Variants in SDS observed in about 807,000 individuals in gnomAD.
SDS encodes the protein L-serine dehydratase/L-threonine deaminase.
In SDS, 19 loss-of-function variants were observed where a neutral mutation model predicts 29.3. The ratio of observed to expected loss-of-function variants is 0.65; its 90% CI spans 0.45 to 0.95. The LOEUF is 0.95. SDS is among the 40% of genes least tolerant of loss of function. SDS has a pLI of 0.00. For missense variants in SDS, 375 were observed against 439.9 expected, an observed-to-expected ratio of 0.85 and a Z score of 1.32; for synonymous variants, 176 against 189.0, an observed-to-expected ratio of 0.93 and a Z score of 0.56.
At chr12:113,400,241 G>A (rs1317567610) in intron 1 of SDS, among the ~76,000 whole-genome samples, 2 of 151,722 alleles carry the variant, frequency 1.3e-5, no homozygotes, top group African/African-American at 4.8e-5. Context: ...TGCAGTGAGC[G>A]AGATCGCGCC....
chr12:113,393,926 G>A lies in SDS; in HGVS notation c.744C>T (p.Asp248=). 6.2e-7 allele frequency: 1 copy of A among 1,614,188 alleles called. No individual in the cohort carries two copies. The highest frequency in any genetic ancestry group is 1.7e-5 in the Admixed American group (1 of 60,016). ...TCTCAATGGCGGCCACAGCCTCCTG[G>A]TCCGAGATAACTTCAGAGAAAATGG... The part of the protein sequence containing the change: ...EHPIFSEVIS[D]QEAVAAIEKF... Residue 248 remains aspartate, a synonymous_variant, in exon 7 of 8, where the codon GAC becomes GAT. Coordinates refer to ENST00000257549, the MANE Select transcript of SDS (RefSeq NM_006843.3).
chr12:113,400,898 A>G (rs1957680881), intron 1 of SDS, among the ~76,000 whole-genome samples: 1 of 152,126 alleles, frequency 6.6e-6, no homozygotes, highest in Admixed American at 6.6e-5. Context: ...TCACACCTGT[A>G]ATCCCAGCAC....
chr12:113,398,405 T>C lies in SDS; in HGVS notation c.425+110A>G, dbSNP rs1266018145. ...TTCTACATGGTGGTGTGCGCACACA[T>C]GTGCAGCTGCTGTGCATGAGGACGT... On this transcript the variant is annotated intron_variant, in intron 5 of 7. Transcript: ENST00000257549. 1.1e-4 allele frequency: 77 copies of C among 720,872 alleles called. 1 individual carries two copies. The highest frequency in any genetic ancestry group is 7.2e-4 in the Middle Eastern group (3 of 4,184). The allele number at this position is 720,872 out of a possible 1,614,324, so 44.7% of individuals were successfully genotyped here.
At chr12:113,395,909 C>T (rs1489631965) in intron 6 of SDS, among the ~76,000 whole-genome samples, 1 of 152,106 alleles carries the variant, frequency 6.6e-6, no homozygotes, top group South Asian at 2.1e-4. Context: ...GTGAGGAGTT[C>T]GAGACTAGCC....
At chr12:113,402,082 C>T (rs1426571828) in intron 1 of SDS, among the ~76,000 whole-genome samples, 3 of 152,126 alleles carry the variant, frequency 2.0e-5, no homozygotes, top group South Asian at 2.1e-4. Flanking sequence ...CCAACTGCCC[C>T]GCCAGACTTA....
chr12:113,395,838 G>A (rs1317662069), intron 6 of SDS, among the ~76,000 whole-genome samples: 1 of 152,174 alleles, frequency 6.6e-6, no homozygotes, highest in Non-Finnish European at 1.5e-5. Context: ...CCAGCCGGGT[G>A]CGGTGGCTCA....
intron 7 of SDS, 109 bp from the exon 8 acceptor site, chr12:113,393,258 C>G (rs950817186): frequency 9.2e-7 from 1 of 1,082,758 alleles, no homozygotes; most frequent in African/African-American, 1.6e-5. Flanking sequence ...AGCTCTCAGC[C>G]CTGGCTGCAG....
intron 1 of SDS, among the ~76,000 whole-genome samples, chr12:113,402,268 G>C (rs551161084): frequency 1.8e-4 from 27 of 152,220 alleles, no homozygotes; most frequent in African/African-American, 6.3e-4. Flanking sequence ...GCTCCTGGAG[G>C]TTAATCCCCA....
chr12:113,394,268 T>TA (rs34218141), intron 6 of SDS, among the ~76,000 whole-genome samples: 5,669 of 152,152 alleles, frequency 0.037, 118 homozygotes, highest in Middle Eastern at 0.092. Flanking sequence ...ATCATTTTTT[T>TA]AATTTTTTTG....
chr12:113,392,754 G>A lies in SDS; in HGVS notation c.*187C>T. 1.5e-6 allele frequency: 1 copy of A among 663,826 alleles called. No individual in the cohort carries two copies. Among genetic ancestry groups the A allele is most frequent in the Non-Finnish European group, 2.6e-6 (1 of 377,928 alleles). 41.1% of individuals were successfully genotyped at this position (663,826 alleles called of 1,614,324 possible). ...GAGCAGTCACACAGATACCAAAAAGGTCCAATTCATAGCCTCGCTGGCTGC... is the reference window on the plus strand; with the variant it reads ...GAGCAGTCACACAGATACCAAAAAGATCCAATTCATAGCCTCGCTGGCTGC... On this transcript the variant is annotated 3_prime_UTR_variant, in exon 8 of 8. Coordinates refer to ENST00000257549, the MANE Select transcript of SDS (RefSeq NM_006843.3).
chr12:113,399,295 G>A, intron 2 of SDS, 144 bp from the exon 3 acceptor site: 2 of 931,794 alleles, frequency 2.1e-6, no homozygotes, highest in Non-Finnish European at 3.4e-6. Context: ...GTCTGAGACT[G>A]CACCTCCCAT....
At chr12:113,395,377 C>G (rs1024390277) in intron 6 of SDS, among the ~76,000 whole-genome samples, 4 of 152,218 alleles carry the variant, frequency 2.6e-5, no homozygotes, top group African/African-American at 9.6e-5. Flanking sequence ...AGATGCCAGG[C>G]TCAGGAATCT....
intron 1 of SDS, among the ~76,000 whole-genome samples, chr12:113,401,400 T>C (rs1281679802): frequency 2.0e-5 from 3 of 152,120 alleles, no homozygotes; most frequent in African/African-American, 7.2e-5. Flanking sequence ...CATTCATTCA[T>C]TCATTCATTC....
intron 6 of SDS, 138 bp downstream of exon 6, chr12:113,397,027 T>C (rs1030803708): frequency 1.3e-6 from 1 of 745,062 alleles, no homozygotes; most frequent in African/African-American, 1.7e-5. Flanking sequence ...TCACTGGACG[T>C]GGCCCTGGGC....
Position 113,398,805 on chromosome 12 carries a change from G to T in SDS, c.235C>A (p.Leu79Ile), listed in dbSNP as rs1349217208. Reference sequence around the variant, plus strand: ...ACCACGATGGTGGCGGGGACGCCGAGTTGCCTGGCCGCATATGCAGCCGCC... The same window carrying T: ...ACCACGATGGTGGCGGGGACGCCGATTTGCCTGGCCGCATATGCAGCCGCC... ...GMAAAYAARQ[L>I]GVPATIVVPS... The change falls in exon 4 of 8, where the codon CTC becomes ATC. Residue 79 changes from leucine (L) to isoleucine (I), a missense_variant. Transcript: ENST00000257549. The T allele has an allele frequency of 7.4e-6, 12 of 1,611,662 alleles. No individual in the cohort carries two copies.
At chr12:113,394,429 T>G (rs1957633096) in intron 6 of SDS, among the ~76,000 whole-genome samples, 1 of 150,590 alleles carries the variant, frequency 6.6e-6, no homozygotes, top group African/African-American at 2.4e-5. Context: ...AATCTCTGCC[T>G]CCCGGGTTCA....
chr12:113,398,029 G>C (rs1412828336), intron 5 of SDS, among the ~76,000 whole-genome samples: 1 of 151,410 alleles, frequency 6.6e-6, no homozygotes, highest in Non-Finnish European at 1.5e-5. Flanking sequence ...GTGTGCACTT[G>C]CTGCTGCACC....
At position 113,392,797 on chromosome 12, in the gene SDS, A is replaced by G. The variant is rs919710224; in HGVS notation, c.*144T>C. The G allele has an allele frequency of 2.5e-6, 2 of 807,512 alleles. No individual in the cohort carries two copies. The highest frequency in any genetic ancestry group is 2.2e-5 in the Admixed American group (1 of 44,954). 50.0% of individuals were successfully genotyped at this position (807,512 alleles called of 1,614,324 possible). ...CTGGCTGCCGACCTTTGGCCTCTGC[A>G]TAGTGGGCTCCTGATAACAAGAAGT... On this transcript the variant is annotated 3_prime_UTR_variant, in exon 8 of 8. Coordinates refer to ENST00000257549, the MANE Select transcript of SDS (RefSeq NM_006843.3).
At position 113,397,373 on chromosome 12, in the gene SDS, C is replaced by A. The variant is rs1236718928; in HGVS notation, c.445G>T (p.Val149Leu). 1 of 1,610,160 alleles carries A rather than the reference C, an allele frequency of 6.2e-7. No homozygotes were observed. The stretch of plus-strand genomic sequence containing the variant: ...CACAGTGTCTCCTTCAGCTCTTTCA[C>A]GATGGAAGCGTGGCCTTCCCTGGAG... ...PLIWEGHASI[V>L]KELKETLWEK... The change falls in exon 6 of 8, where the codon GTG (valine) becomes TTG (leucine). Residue 149 changes from valine to leucine, a missense_variant. Val to Leu is a conservative substitution (Grantham distance 32, BLOSUM62 1). Transcript: ENST00000257549.
Sources: gnomAD v4.1 joint callset for allele counts (sites outside exome capture counted in the v4.1 genomes callset) on GRCh38, gnomAD v4.1.1 for gene constraint, MANE v1.5 for transcripts, NCBI Gene and HGNC (gene_info 2026-07-23, HGNC 2026-07-21) for gene names.